HIRA: variants seen among roughly 807,000 people sequenced by gnomAD.
The protein encoded by HIRA is histone cell cycle regulator.
HIRA carries 13 observed loss-of-function variants against 126.6 expected under a neutral mutation model. The ratio of observed to expected loss-of-function variants is 0.10; its 90% CI spans 0.07 to 0.16. The LOEUF (loss-of-function observed/expected upper bound fraction) is 0.16. Among genes scored for constraint, HIRA ranks in the 10% least tolerant of loss-of-function variants. The probability of loss-of-function intolerance (pLI) is 1.00; values close to 1 mark genes in which losing one functional copy is unlikely to be tolerated. For synonymous variants in HIRA, 511 were observed against 520.0 expected (o/e 0.98, Z 0.24); for missense variants, 834 against 1,314.4 (o/e 0.63, Z 5.65).
At chr22:19,393,604 C>T (rs1202545284) in intron 8 of HIRA, among the ~76,000 whole-genome samples, 1 of 152,166 alleles carries the variant, frequency 6.6e-6, no homozygotes, top group Non-Finnish European at 1.5e-5. Context: ...GATCCGCCCA[C>T]CACAGCCTCC....
intron 13 of HIRA, among the ~76,000 whole-genome samples, chr22:19,380,368 C>T (rs185430545): frequency 6.6e-6 from 1 of 152,092 alleles, no homozygotes; most frequent in Non-Finnish European, 1.5e-5. Context: ...TTCCATTTAC[C>T]GAATTAGCCA....
chr22:19,343,281 G>T (rs1445471150), intron 24 of HIRA, among the ~76,000 whole-genome samples: 2 of 152,208 alleles, frequency 1.3e-5, no homozygotes, highest in East Asian at 3.8e-4. Flanking sequence ...GCCAGGTGCA[G>T]TGGCTCACAC....
chr22:19,403,797 C>T (rs948208927), intron 5 of HIRA, among the ~76,000 whole-genome samples: 2 of 152,042 alleles, frequency 1.3e-5, no homozygotes, highest in Non-Finnish European at 2.9e-5. Context: ...ATAAATATTG[C>T]TATTGTTCTG....
chr22:19,358,573 C>G (rs1409383896), intron 18 of HIRA, among the ~76,000 whole-genome samples: 3 of 152,116 alleles, frequency 2.0e-5, no homozygotes, highest in Non-Finnish European at 4.4e-5. Flanking sequence ...GAGGGAGGAA[C>G]AGAACAAACA....
At chr22:19,362,567 T>C (rs1438613780) in intron 15 of HIRA, among the ~76,000 whole-genome samples, 2 of 149,806 alleles carry the variant, frequency 1.3e-5, no homozygotes, top group African/African-American at 4.9e-5. Flanking sequence ...TTTATTATCA[T>C]TTTTTTTTTG....
intron 1 of HIRA, among the ~76,000 whole-genome samples, chr22:19,429,133 CTTTTTT>C (rs57853722): frequency 2.1e-3 from 161 of 77,286 alleles, no homozygotes; most frequent in African/African-American, 8.1e-3. Context: ...GTTGCCATAT[CTTTTTT>C]TTTTTTTTTT....
chr22:19,387,073 C>T (rs181716667), intron 11 of HIRA, among the ~76,000 whole-genome samples: 1 of 152,308 alleles, frequency 6.6e-6, no homozygotes, highest in East Asian at 1.9e-4. Flanking sequence ...GTAGGTGAAG[C>T]AGGGCTTTTC....
intron 7 of HIRA, among the ~76,000 whole-genome samples, chr22:19,395,780 A>T (rs2089218692): frequency 6.6e-6 from 1 of 152,168 alleles, no homozygotes; most frequent in Non-Finnish European, 1.5e-5. Context: ...ATGGGGCTTT[A>T]AGCTTCAAGA....
intron 5 of HIRA, among the ~76,000 whole-genome samples, chr22:19,400,982 C>T (rs1173460480): frequency 6.6e-6 from 1 of 152,100 alleles, no homozygotes; most frequent in Non-Finnish European, 1.5e-5. Context: ...CTGATGCTGC[C>T]GTCCCCTCAC....
At chr22:19,360,576 G>C (rs146941928) in intron 17 of HIRA, among the ~76,000 whole-genome samples, 1 of 152,140 alleles carries the variant, frequency 6.6e-6, no homozygotes, top group South Asian at 2.1e-4. Flanking sequence ...GAAGTGACCC[G>C]CAAGCAGGGT....
chr22:19,338,008 T>C (rs1044942595), intron 24 of HIRA, among the ~76,000 whole-genome samples: 2 of 152,068 alleles, frequency 1.3e-5, no homozygotes, highest in Non-Finnish European at 2.9e-5. Context: ...GCCAGGCTGG[T>C]CTTGAACTCC....
intron 13 of HIRA, among the ~76,000 whole-genome samples, chr22:19,380,087 G>A (rs2089059241): frequency 6.6e-6 from 1 of 152,146 alleles, no homozygotes; most frequent in Admixed American, 6.5e-5. Context: ...GATTACAGGT[G>A]TGAGCCACCA....
Position 19,353,436 on chromosome 22 carries a change from A to C in HIRA, c.2768T>G (p.Val923Gly). ...ETTLAYLENQ[V>G]AAALTLQSSH... ...GGACTGCAGGGTGAGTGCTGCTGCC[A>C]CCTGGTTCTCTAGGTAGGCCAGGGT... The change falls in exon 23 of 25, where the codon GTG (valine) becomes GGG (glycine). Residue 923 changes from valine to glycine, a missense_variant. By Grantham distance (109) the Val-to-Gly change is moderately radical (BLOSUM62 -3). Coordinates refer to ENST00000263208, the MANE Select transcript of HIRA (RefSeq NM_003325.4). 1.2e-6 allele frequency: 2 copies of C among 1,612,984 alleles called. No individual in the cohort carries two copies. Among genetic ancestry groups the C allele is most frequent in the Non-Finnish European group, 1.7e-6 (2 of 1,179,904 alleles).
At chr22:19,404,856 C>T (rs545946278) in intron 5 of HIRA, among the ~76,000 whole-genome samples, 2 of 152,280 alleles carry the variant, frequency 1.3e-5, no homozygotes, top group African/African-American at 4.8e-5. Context: ...TGTGCCCTAT[C>T]CTAAGTATTC....
chr22:19,388,907 T>C (rs1203544738), intron 9 of HIRA, among the ~76,000 whole-genome samples: 1 of 151,788 alleles, frequency 6.6e-6, no homozygotes, highest in Admixed American at 6.6e-5. Context: ...TCTGAGAGGG[T>C]CTATGGAGCA....
Position 19,413,595 on chromosome 22 carries a change from C to CTATTTATTTATTTATT in HIRA, c.38-2833_38-2818dup, listed in dbSNP as rs376817979. Among the ~76,000 whole-genome samples the CTATTTATTTATTTATT allele has an allele frequency of 1.8e-3, 258 of 143,764 alleles. 1 individual carries two copies. The highest frequency in any genetic ancestry group is 2.7e-3 in the Non-Finnish European group (179 of 65,936). 94.3% of individuals were successfully genotyped at this position (143,764 alleles called of 152,430 possible). A position where few individuals can be genotyped will look rare whatever the true frequency, so the allele number is the denominator to read the frequency against. ...TCACATTCCATTAGTGGGAATGAAACTATTTATTTATTTATTTATTTATTT... is the reference window on the plus strand; with the variant it reads ...TCACATTCCATTAGTGGGAATGAAACTATTTATTTATTTATTTATTTATTTATTTATTTATTTATTT... On this transcript the variant is annotated intron_variant, in intron 1 of 24. Coordinates refer to ENST00000263208, the MANE Select transcript of HIRA (RefSeq NM_003325.4).
chr22:19,408,394 G>A (rs986575180), intron 3 of HIRA, 89 bp downstream of exon 3: 4 of 822,872 alleles, frequency 4.9e-6, no homozygotes, highest in Admixed American at 1.8e-5. Flanking sequence ...ACCGCCGCAC[G>A]GGGCCTTATC....
Position 19,345,552 on chromosome 22 carries a change from G to C in HIRA, c.2937+5806C>G, listed in dbSNP as rs151192479. Among the ~76,000 whole-genome samples, 8 of 152,302 alleles carry C rather than the reference G, an allele frequency of 5.3e-5. No homozygotes were observed. In the East Asian group the frequency reaches 1.2e-3, roughly 22 times the overall value. Reference sequence around the variant, plus strand: ...ACTGGTTTTTTTTTATGGACCAGTGGGGGAGGGGAAGACGGTTTCAGGATA... The same window carrying C: ...ACTGGTTTTTTTTTATGGACCAGTGCGGGAGGGGAAGACGGTTTCAGGATA... On this transcript the variant is annotated intron_variant, in intron 24 of 24. Coordinates refer to ENST00000263208, the MANE Select transcript of HIRA (RefSeq NM_003325.4).
chr22:19,401,379 G>A (rs2089267461), intron 5 of HIRA, among the ~76,000 whole-genome samples: 1 of 152,054 alleles, frequency 6.6e-6, no homozygotes, highest in African/African-American at 2.4e-5. Context: ...CTCATGCCTC[G>A]CTTCTTTTCA....
Sources: allele counts gnomAD v4.1 joint callset (sites outside exome capture counted in the v4.1 genomes callset), GRCh38; gene constraint gnomAD v4.1.1; transcripts MANE v1.5; gene names NCBI Gene and HGNC (gene_info 2026-07-23, HGNC 2026-07-21).